Variants in MS4A4A observed in about 807,000 individuals in gnomAD.
MS4A4A encodes the protein membrane-spanning 4-domains subfamily A member 4A.
Under a neutral mutation model 28.0 loss-of-function variants are expected in MS4A4A, and 26 were observed. That is an observed-to-expected ratio of 0.93 (90% CI 0.68 to 1.29). The LOEUF is 1.29. Ranked by LOEUF, MS4A4A falls within the 50% of genes most tolerant of loss-of-function variation. The probability of loss-of-function intolerance (pLI) is 0.00; values close to 1 mark genes in which losing one functional copy is unlikely to be tolerated. For missense variants in MS4A4A, 290 were observed against 293.1 expected (o/e 0.99, Z 0.08); for synonymous variants, 86 against 100.8 (o/e 0.85, Z 0.88).
At chr11:60,308,018 C>G in intron 6 of MS4A4A, 89 bp from the exon 7 acceptor site, 1 of 1,138,666 alleles carries the variant, frequency 8.8e-7, no homozygotes, top group South Asian at 1.3e-5. Context: ...AAAGAGTAAA[C>G]TCTGATAATG....
Position 60,307,481 on chromosome 11 carries a change from G to A in MS4A4A, c.649-626G>A, listed in dbSNP as rs187177013. 1.7e-3 allele frequency among the ~76,000 whole-genome samples: 259 copies of A among 152,258 alleles called. 1 individual carries two copies. The highest frequency in any genetic ancestry group is 5.4e-3 in the African/African-American group (225 of 41,548). On this transcript the variant is annotated intron_variant, in intron 6 of 6. Transcript: ENST00000337908. ...TTTGGACATGGAGGCAAACTCTTTC[G>A]TAAGTTTCATGTCATAATATTTAAG...
rs76984476 is a variant in MS4A4A at position 60,294,311 on chromosome 11, G to A, written c.201+1927G>A. Among the ~76,000 whole-genome samples the A allele has an allele frequency of 6.2e-3, 941 of 152,238 alleles. 8 individuals carry two copies. The highest frequency in any genetic ancestry group is 0.021 in the African/African-American group (874 of 41,570). ...GCACATTTTTAATGAGGACGTTTAT[G>A]TTCTTATTGTTAAGTTTTAAATTTG... is the stretch of plus-strand genomic sequence containing the variant. On this transcript the variant is annotated intron_variant, in intron 2 of 6. Transcript: ENST00000337908.
chr11:60,286,552 G>T lies in MS4A4A; in HGVS notation c.42-5673G>T, dbSNP rs1234330405. On this transcript the variant is annotated intron_variant, in intron 1 of 6. Transcript: ENST00000337908. ...GGCTTCAGCCGGTCCCTCCGTTCGG[G>T]GTCCCTGACTTCCCGCAACAGTAGT... 2.6e-5 allele frequency among the ~76,000 whole-genome samples: 4 copies of T among 152,222 alleles called. No homozygotes were observed. The East Asian group carries it at 7.7e-4, about 29-fold the overall frequency.
intron 5 of MS4A4A, among the ~76,000 whole-genome samples, chr11:60,305,388 C>G (rs1334339556): frequency 6.6e-6 from 1 of 152,222 alleles, no homozygotes; most frequent in African/African-American, 2.4e-5. Context: ...CAAGGCCATA[C>G]TCCTTTCTGA....
In MS4A4A at chr11:60,306,191, C is replaced by T. The variant is rs62000397; in HGVS notation, c.638C>T (p.Thr213Ile). 1,496 of 1,613,022 alleles carry T rather than the reference C, an allele frequency of 9.3e-4. 4 individuals carry two copies. Among genetic ancestry groups the T allele is most frequent in the Non-Finnish European group, 9.0e-4 (1,060 of 1,179,006 alleles). ...TTTGGATGTAAAGTGCTCTGTTGTACCCCTGGTGGGGTGAGTATTGGCCTT... is the reference window on the plus strand; with the variant it reads ...TTTGGATGTAAAGTGCTCTGTTGTATCCCTGGTGGGGTGAGTATTGGCCTT... ...SAFGCKVLCC[T>I]PGGVVLILPS... Residue 213 changes from threonine to isoleucine, a missense_variant, in exon 6 of 7, where the codon ACC becomes ATC. Coordinates refer to ENST00000337908, the MANE Select transcript of MS4A4A (RefSeq NM_148975.3).
chr11:60,297,104 G>C, intron 2 of MS4A4A, 93 bp from the exon 3 acceptor site: 2 of 1,450,782 alleles, frequency 1.4e-6, no homozygotes, highest in East Asian at 2.3e-5. Flanking sequence ...TCAAATGAAG[G>C]AGAATAAGGA....
chr11:60,292,093 C>A, intron 1 of MS4A4A, 132 bp from the exon 2 acceptor site: 1 of 1,150,616 alleles, frequency 8.7e-7, no homozygotes, highest in Non-Finnish European at 1.2e-6. Context: ...ACTTCCCCAG[C>A]TCTAACAGCT....
chr11:60,286,016 G>A (rs1390646858), intron 1 of MS4A4A, among the ~76,000 whole-genome samples: 1 of 152,152 alleles, frequency 6.6e-6, no homozygotes, highest in Admixed American at 6.5e-5. Flanking sequence ...GACACCCCCA[G>A]AGCGGCTGTC....
At position 60,306,271 on chromosome 11, in the gene MS4A4A, T is replaced by G. The variant is rs1003410839; in HGVS notation, c.648+70T>G. ...TTGCTGTGTAATCGATTACACACAC[T>G]TAGAGTCTTAACACAGAACACATTC... On this transcript the variant is annotated intron_variant, in intron 6 of 6. Coordinates refer to ENST00000337908, the MANE Select transcript of MS4A4A (RefSeq NM_148975.3). 2.6e-5 allele frequency: 31 copies of G among 1,199,466 alleles called. No homozygotes were observed. In the African/African-American group the frequency reaches 4.2e-4, roughly 16 times the overall value. The allele number at this position is 1,199,466 out of a possible 1,614,324, so 74.3% of individuals were successfully genotyped here.
chr11:60,302,855 C>A, intron 5 of MS4A4A, 138 bp downstream of exon 5: 1 of 842,026 alleles, frequency 1.2e-6, no homozygotes, highest in Non-Finnish European at 1.8e-6. Context: ...ATAGAATAAT[C>A]TTTCATTTAG....
intron 2 of MS4A4A, among the ~76,000 whole-genome samples, chr11:60,293,672 T>G (rs1253037856): frequency 2.0e-5 from 3 of 152,224 alleles, no homozygotes; most frequent in Non-Finnish European, 2.9e-5. Context: ...TTTTATTGTC[T>G]TCATAGTTTG....
intron 2 of MS4A4A, among the ~76,000 whole-genome samples, chr11:60,293,069 AT>A (rs1370371761): frequency 1.3e-5 from 2 of 151,804 alleles, no homozygotes; most frequent in Non-Finnish European, 2.9e-5. Context: ...TTTTAATTTT[AT>A]TTTTTGAGAT....
At chr11:60,300,539 C>G (rs980938127) in intron 3 of MS4A4A, among the ~76,000 whole-genome samples, 1 of 146,754 alleles carries the variant, frequency 6.8e-6, no homozygotes, top group Non-Finnish European at 1.5e-5. Context: ...TGGCGTGAAC[C>G]CGGGAGGCGG....
chr11:60,290,542 T>G (rs569321565), intron 1 of MS4A4A, among the ~76,000 whole-genome samples: 18 of 152,082 alleles, frequency 1.2e-4, no homozygotes, highest in Non-Finnish European at 2.9e-5. Context: ...ATATAATTCC[T>G]TATCTTAACT....
chr11:60,287,446 G>A (rs1199112671), intron 1 of MS4A4A, among the ~76,000 whole-genome samples: 1 of 152,172 alleles, frequency 6.6e-6, no homozygotes, highest in Non-Finnish European at 1.5e-5. Flanking sequence ...CATGCAGGTA[G>A]AGGTCTCCTG....
chr11:60,300,079 T>A (rs2084938615), intron 3 of MS4A4A, among the ~76,000 whole-genome samples: 1 of 152,196 alleles, frequency 6.6e-6, no homozygotes, highest in Admixed American at 6.5e-5. Context: ...TTTATTGAGC[T>A]TTTTTATTAG....
chr11:60,292,315 T>C lies in MS4A4A; in HGVS notation c.132T>C (p.Ala44=). Residue 44 remains alanine (A), a synonymous_variant, in exon 2 of 7, where the codon GCT becomes GCC. Transcript: ENST00000337908. ...GPGVPQLGNM[A]VIHSHLWKGL... is the part of the protein sequence containing the mutation. ...GTGTGCCCCAGCTGGGAAACATGGC[T>C]GTCATACATTCACATCTGTGGAAAG... 1 of 1,610,632 alleles carries C rather than the reference T, an allele frequency of 6.2e-7. No individual in the cohort carries two copies. The highest frequency in any genetic ancestry group is 8.5e-7 in the Non-Finnish European group (1 of 1,178,478).
intron 3 of MS4A4A, among the ~76,000 whole-genome samples, chr11:60,299,110 A>C (rs1039111235): frequency 2.4e-4 from 37 of 152,210 alleles, no homozygotes; most frequent in African/African-American, 8.0e-4. Context: ...ACAGACATAC[A>C]TACACACTTG....
intron 2 of MS4A4A, among the ~76,000 whole-genome samples, chr11:60,296,467 A>G (rs2084906315): frequency 6.6e-6 from 1 of 151,894 alleles, no homozygotes; most frequent in South Asian, 2.1e-4. Context: ...TTTCAATTTT[A>G]TGATTTCTGC....
Sources: gnomAD v4.1 joint callset for allele counts (sites outside exome capture counted in the v4.1 genomes callset) on GRCh38, gnomAD v4.1.1 for gene constraint, MANE v1.5 for transcripts, NCBI Gene and HGNC (gene_info 2026-07-23, HGNC 2026-07-21) for gene names.